The following ATE1 variants were observed in gnomAD, a reference collection of about 807,000 sequenced individuals.
ATE1 encodes arginyltransferase 1.
A neutral mutation model predicts 70.5 loss-of-function variants in ATE1; 36 were observed. The observed-to-expected ratio is 0.51, with a 90% CI of 0.39 to 0.67. The LOEUF is 0.67. ATE1 is among the 30% of genes least tolerant of loss of function. The probability of loss-of-function intolerance (pLI) is 0.00; values close to 1 mark genes in which losing one functional copy is unlikely to be tolerated. For synonymous variants in ATE1, 232 were observed against 219.3 expected (o/e 1.06, Z -0.51); for missense variants, 593 against 629.5 (o/e 0.94, Z 0.62).
At chr10:121,797,549 A>C (rs1196865613) in intron 10 of ATE1, among the ~76,000 whole-genome samples, 1 of 150,936 alleles carries the variant, frequency 6.6e-6, no homozygotes, top group Non-Finnish European at 1.5e-5. Flanking sequence ...TTAAAAATAG[A>C]ATATTTCCTC....
At chr10:121,919,906 G>C (rs1401590549) in intron 3 of ATE1, among the ~76,000 whole-genome samples, 2 of 150,822 alleles carry the variant, frequency 1.3e-5, no homozygotes, top group Admixed American at 6.6e-5. Flanking sequence ...TCGGTGGGGA[G>C]GATATGCAAA....
chr10:121,766,621 G>A (rs1360111268), intron 11 of ATE1, among the ~76,000 whole-genome samples: 1 of 152,014 alleles, frequency 6.6e-6, no homozygotes, highest in Non-Finnish European at 1.5e-5. Context: ...GAAATTTGGG[G>A]ATTTTTGGCT....
chr10:121,783,890 T>TA (rs1465031574), intron 11 of ATE1, among the ~76,000 whole-genome samples: 1 of 152,152 alleles, frequency 6.6e-6, no homozygotes, highest in East Asian at 1.9e-4. Flanking sequence ...GAAAATTTTT[T>TA]TTTTTTCGGT....
At chr10:121,816,450 G>A (rs1386524637) in intron 10 of ATE1, among the ~76,000 whole-genome samples, 1 of 152,168 alleles carries the variant, frequency 6.6e-6, no homozygotes, top group Non-Finnish European at 1.5e-5. Flanking sequence ...AGTGCCTTAG[G>A]AAAGGGCTGG....
intron 10 of ATE1, among the ~76,000 whole-genome samples, chr10:121,796,259 T>C (rs1035784414): frequency 6.6e-6 from 1 of 152,162 alleles, no homozygotes; most frequent in African/African-American, 2.4e-5. Context: ...GAGGATAACA[T>C]AGTTCAAGAT....
chr10:121,913,815 C>A lies in ATE1; in HGVS notation c.312G>T (p.Gly104=). 1 of 1,613,082 alleles carries A rather than the reference C, an allele frequency of 6.2e-7. No homozygotes were observed. The highest frequency in any genetic ancestry group is 8.5e-7 in the Non-Finnish European group (1 of 1,179,282). The change falls in exon 4 of 12, where the codon GGG becomes GGT. Residue 104 remains glycine, a synonymous_variant. Coordinates refer to ENST00000224652, the MANE Select transcript of ATE1 (RefSeq NM_001001976.3). ...LKKMLKFLAK[G]EVPKGSCEDE... ...CCTCACAACTTCCTTTGGGAACCTCCCCTTTAGCTAGAAATTTCAACATTT... is the reference window on the plus strand; with the variant it reads ...CCTCACAACTTCCTTTGGGAACCTCACCTTTAGCTAGAAATTTCAACATTT...
Position 121,741,537 on chromosome 10 carries a change from C to T in ATE1, c.*2143G>A, listed in dbSNP as rs1944147671. 6.6e-6 allele frequency: 1 copy of T among 152,180 alleles called. No individual in the cohort carries two copies. Among genetic ancestry groups the T allele is most frequent in the African/African-American group, 2.4e-5 (1 of 41,444 alleles). 9.4% of individuals were successfully genotyped at this position (152,180 alleles called of 1,614,324 possible). On this transcript the variant is annotated 3_prime_UTR_variant, in exon 12 of 12. Transcript: ENST00000224652. Reference sequence around the variant, plus strand: ...TGGTAAGATGTTGGAGTCAAGTTTTCTCTTCATCTGATATTCAAGGGTTGT... The same window carrying T: ...TGGTAAGATGTTGGAGTCAAGTTTTTTCTTCATCTGATATTCAAGGGTTGT...
chr10:121,778,950 C>T (rs1302626704), intron 11 of ATE1, among the ~76,000 whole-genome samples: 1 of 152,054 alleles, frequency 6.6e-6, no homozygotes, highest in Non-Finnish European at 1.5e-5. Flanking sequence ...TCTTGGCTGC[C>T]TCAGTCTTCT....
intron 10 of ATE1, among the ~76,000 whole-genome samples, chr10:121,809,093 T>G (rs1348674341): frequency 6.6e-6 from 1 of 152,190 alleles, no homozygotes; most frequent in Non-Finnish European, 1.5e-5. Flanking sequence ...ACTGATCTCA[T>G]CAGAGAATTC....
Position 121,922,993 on chromosome 10 carries a change from A to G in ATE1, c.171-582T>C, listed in dbSNP as rs560890795. On this transcript the variant is annotated intron_variant, in intron 2 of 11. Coordinates refer to ENST00000224652, the MANE Select transcript of ATE1 (RefSeq NM_001001976.3). ...TATCCTAAATTGTCCCCTCTTCTCT[A>G]TCACCATTGCCACTAAGGTGACAGT... 1.3e-4 allele frequency among the ~76,000 whole-genome samples: 20 copies of G among 152,230 alleles called. 1 individual carries two copies. The East Asian group carries it at 3.5e-3, about 26-fold the overall frequency.
intron 11 of ATE1, among the ~76,000 whole-genome samples, chr10:121,758,395 T>A (rs571834381): frequency 6.6e-6 from 1 of 152,370 alleles, no homozygotes; most frequent in South Asian, 2.1e-4. Context: ...ATTGGGTTGA[T>A]CTTTGATTCT....
intron 7 of ATE1, among the ~76,000 whole-genome samples, chr10:121,899,269 G>A (rs990652696): frequency 6.6e-5 from 10 of 151,950 alleles, no homozygotes; most frequent in African/African-American, 2.2e-4. Flanking sequence ...TCATGGTGAT[G>A]ATCGCTACTT....
intron 3 of ATE1, 40 bp from the exon 4 acceptor site, chr10:121,913,933 C>G: frequency 6.7e-7 from 1 of 1,492,440 alleles, no homozygotes; most frequent in East Asian, 2.3e-5. Flanking sequence ...TGAACTCAAA[C>G]CTTGAAGAAA....
At chr10:121,899,077 A>G in intron 7 of ATE1, 2 of 1,323,694 alleles carry the variant, frequency 1.5e-6, no homozygotes, top group Non-Finnish European at 1.0e-6. Context: ...CAAAGCTCGA[A>G]CTCGAATTTG....
chr10:121,895,475 G>A (rs1478368534), intron 7 of ATE1, among the ~76,000 whole-genome samples: 1 of 151,884 alleles, frequency 6.6e-6, no homozygotes, highest in Non-Finnish European at 1.5e-5. Flanking sequence ...TTAGGCAGGT[G>A]TGGTGGTGGG....
rs141205567 is a variant in ATE1 at position 121,905,582 on chromosome 10, C to G, written c.584-2962G>C. Among the ~76,000 whole-genome samples, 30 of 152,182 alleles carry G rather than the reference C, an allele frequency of 2.0e-4. 1 individual carries two copies. Among genetic ancestry groups the G allele is most frequent in the Admixed American group, 1.7e-3 (26 of 15,270 alleles). The stretch of plus-strand genomic sequence containing the variant: ...TCAGGCGGGGCTCAGTGGCTCACGC[C>G]TGTAATCCCAGCACTTTGGAAGGCC... On this transcript the variant is annotated intron_variant, in intron 5 of 11. Transcript: ENST00000224652.
chr10:121,918,400 C>T (rs1951745047), intron 3 of ATE1, among the ~76,000 whole-genome samples: 1 of 151,892 alleles, frequency 6.6e-6, no homozygotes, highest in African/African-American at 2.4e-5. Context: ...CATTTGATGC[C>T]ACGTAAAATG....
At chr10:121,926,850 T>C in intron 1 of ATE1, 1 of 985,310 alleles carries the variant, frequency 1.0e-6, no homozygotes, top group Non-Finnish European at 1.2e-6. Context: ...GGAAGCATTT[T>C]TCCATTTAGT....
At chr10:121,829,960 T>C (rs1321595811) in intron 10 of ATE1, among the ~76,000 whole-genome samples, 1 of 152,222 alleles carries the variant, frequency 6.6e-6, no homozygotes, top group Non-Finnish European at 1.5e-5. Context: ...TTTACAATAG[T>C]GTGCAATTCA....
Sources: allele counts gnomAD v4.1 joint callset (sites outside exome capture counted in the v4.1 genomes callset), GRCh38; gene constraint gnomAD v4.1.1; transcripts MANE v1.5; gene names NCBI Gene and HGNC (gene_info 2026-07-23, HGNC 2026-07-21).